The following CHST9 variants were observed in gnomAD, a reference collection of about 807,000 sequenced individuals.
The protein encoded by CHST9 is GalNAc-4-sulfotransferase 2.
In CHST9, 41 loss-of-function variants were observed where a neutral mutation model predicts 44.4. That is an observed-to-expected ratio of 0.92 (90% CI 0.72 to 1.20). The LOEUF is 1.20. CHST9 is among the 50% of genes most tolerant of loss of function. The pLI is 0.00. For synonymous variants in CHST9, 171 were observed against 178.4 expected (o/e 0.96, Z 0.33); for missense variants, 504 against 516.5 (o/e 0.98, Z 0.23).
chr18:26,914,979 T>A lies in CHST9; in HGVS notation c.*1280A>T. ...TTTCCCATCCAAAATGATCCCTTTT[T>A]TTTTCCCCAAGGGATCTAATTTAGG... On this transcript the variant is annotated 3_prime_UTR_variant, in exon 6 of 6. Coordinates refer to ENST00000618847, the MANE Select transcript of CHST9 (RefSeq NM_031422.6). 2.5e-6 allele frequency: 1 copy of A among 398,048 alleles called. No homozygotes were observed. The highest frequency in any genetic ancestry group is 4.4e-6 in the Non-Finnish European group (1 of 225,668). The allele number at this position is 398,048 out of a possible 1,614,324, so 24.7% of individuals were successfully genotyped here.
chr18:27,018,138 C>T (rs2057176859), intron 4 of CHST9, among the ~76,000 whole-genome samples: 1 of 152,166 alleles, frequency 6.6e-6, no homozygotes, highest in South Asian at 2.1e-4. Context: ...ATCTCCATCA[C>T]CGCTGAATTA....
intron 4 of CHST9, among the ~76,000 whole-genome samples, chr18:27,021,502 G>A (rs2057226282): frequency 6.6e-6 from 1 of 152,140 alleles, no homozygotes; most frequent in South Asian, 2.1e-4. Context: ...TAGTATACCT[G>A]CTTTGATCTA....
chr18:26,948,102 A>T (rs1427310834), intron 4 of CHST9, among the ~76,000 whole-genome samples: 1 of 152,196 alleles, frequency 6.6e-6, no homozygotes, highest in East Asian at 1.9e-4. Flanking sequence ...TTGCAGGGAC[A>T]TGGATGAAGC....
At chr18:26,922,540 T>TA (rs1169623249) in intron 5 of CHST9, among the ~76,000 whole-genome samples, 4 of 152,152 alleles carry the variant, frequency 2.6e-5, no homozygotes, top group African/African-American at 9.7e-5. Context: ...ACTACAGATT[T>TA]AAAAAAATGA....
intron 1 of CHST9, among the ~76,000 whole-genome samples, chr18:27,183,727 G>T (rs1219415611): frequency 6.6e-6 from 1 of 152,140 alleles, no homozygotes; most frequent in Non-Finnish European, 1.5e-5. Context: ...TTGTAATATT[G>T]TTTTGTAAAT....
At chr18:26,978,662 C>T (rs1206906920) in intron 4 of CHST9, among the ~76,000 whole-genome samples, 4 of 152,158 alleles carry the variant, frequency 2.6e-5, no homozygotes, top group South Asian at 2.1e-4. Flanking sequence ...TTACCAGCCT[C>T]GTAACCAGAG....
chr18:27,013,533 A>T (rs1164266533), intron 4 of CHST9, among the ~76,000 whole-genome samples: 1 of 152,230 alleles, frequency 6.6e-6, no homozygotes, highest in Non-Finnish European at 1.5e-5. Context: ...GTATCTGAGC[A>T]TATTTTACTC....
At chr18:27,158,496 G>T (rs1325336321) in intron 1 of CHST9, among the ~76,000 whole-genome samples, 1 of 150,324 alleles carries the variant, frequency 6.7e-6, no homozygotes, top group African/African-American at 2.4e-5. Context: ...TCTTAATCCA[G>T]TCTATCATTG....
chr18:27,003,545 AT>A (rs762861796), intron 4 of CHST9, among the ~76,000 whole-genome samples: 4 of 152,016 alleles, frequency 2.6e-5, no homozygotes, highest in Non-Finnish European at 5.9e-5. Context: ...ATATAGAAAG[AT>A]TTTTTCCCCC....
At chr18:27,126,109 T>C (rs1011114047) in intron 2 of CHST9, among the ~76,000 whole-genome samples, 3 of 152,240 alleles carry the variant, frequency 2.0e-5, no homozygotes, top group African/African-American at 4.8e-5. Context: ...AGTACAATCA[T>C]GCACTTTTCG....
intron 1 of CHST9, among the ~76,000 whole-genome samples, chr18:27,163,941 C>T (rs145986045): frequency 0.021 from 3,240 of 152,226 alleles, 109 homozygotes; most frequent in African/African-American, 0.072. Flanking sequence ...TGTTCCTATT[C>T]GGCCATCTTG....
chr18:26,962,201 G>A (rs1442442827), intron 4 of CHST9, among the ~76,000 whole-genome samples: 2 of 152,010 alleles, frequency 1.3e-5, no homozygotes, highest in East Asian at 1.9e-4. Context: ...CCAGCCTGGG[G>A]TGTTAATGAC....
rs1274786454 is a variant in CHST9, at chr18:27,063,089, C to T, written c.122-14586G>A. On this transcript the variant is annotated intron_variant, in intron 2 of 5. Coordinates refer to ENST00000618847, the MANE Select transcript of CHST9 (RefSeq NM_031422.6). ...GGCACAGAGATGACTAGCACACATG[C>T]ATTGTCTCACTGGATTCTCAGCTCA... 2.6e-5 allele frequency among the ~76,000 whole-genome samples: 4 copies of T among 152,174 alleles called. No individual in the cohort carries two copies. The East Asian group carries it at 7.7e-4, about 29-fold the overall frequency.
intron 4 of CHST9, among the ~76,000 whole-genome samples, chr18:27,020,161 G>A (rs933314300): frequency 6.6e-6 from 1 of 152,172 alleles, no homozygotes; most frequent in African/African-American, 2.4e-5. Context: ...TAGAATGGGA[G>A]AGAGTACCCT....
intron 4 of CHST9, among the ~76,000 whole-genome samples, chr18:26,972,095 G>A (rs1169583776): frequency 2.0e-5 from 3 of 152,048 alleles, no homozygotes; most frequent in African/African-American, 7.2e-5. Context: ...CGTGGCTCAC[G>A]TCTGCAATCC....
Position 26,952,230 on chromosome 18 carries a change from G to A in CHST9, c.203-7864C>T, listed in dbSNP as rs139105779. ...GCATTTGGACCAAACAAGGCTCCCC[G>A]GACTTCTGGCATCATCTGCTGGCCT... On this transcript the variant is annotated intron_variant, in intron 4 of 5. Coordinates refer to ENST00000618847, the MANE Select transcript of CHST9 (RefSeq NM_031422.6). The A allele has an allele frequency of 4.2e-5, 22 of 527,312 alleles. No homozygotes were observed. The East Asian group carries it at 9.3e-4, about 22-fold the overall frequency. 32.7% of individuals were successfully genotyped at this position (527,312 alleles called of 1,614,324 possible). A position where few individuals can be genotyped will look rare whatever the true frequency, so the allele number is the denominator to read the frequency against.
intron 2 of CHST9, among the ~76,000 whole-genome samples, chr18:27,052,802 C>T (rs1015169950): frequency 3.3e-5 from 5 of 151,988 alleles, no homozygotes; most frequent in African/African-American, 4.8e-5. Flanking sequence ...AACCATCGTC[C>T]TCAGCGAACT....
intron 1 of CHST9, among the ~76,000 whole-genome samples, chr18:27,176,262 T>C (rs2058867262): frequency 6.6e-6 from 1 of 152,014 alleles, no homozygotes; most frequent in South Asian, 2.1e-4. Flanking sequence ...AAGGTGATAG[T>C]TTTCATATTT....
chr18:27,053,188 GAAGAAGAAAGAAC>G, intron 2 of CHST9, among the ~76,000 whole-genome samples: 1 of 139,050 alleles, frequency 7.2e-6, no homozygotes, highest in Admixed American at 7.6e-5. Flanking sequence ...AGAAGAAGAA[GAAGAAGAAAGAAC>G]AAGAAGAGGA....
Sources: allele counts gnomAD v4.1 joint callset (sites outside exome capture counted in the v4.1 genomes callset), GRCh38; gene constraint gnomAD v4.1.1; transcripts MANE v1.5; gene names NCBI Gene and HGNC (gene_info 2026-07-23, HGNC 2026-07-21).